AKAP6: variants seen among roughly 807,000 people sequenced by gnomAD.
AKAP6 encodes the protein A-kinase anchoring protein 6, also known as A-kinase anchor protein 6.
AKAP6 carries 58 observed loss-of-function variants against 188.5 expected under a neutral mutation model. That is an observed-to-expected ratio of 0.31 (90% confidence interval 0.25 to 0.38). The LOEUF (loss-of-function observed/expected upper bound fraction) is 0.38, where lower values mean the gene tolerates loss of function less well. AKAP6 is among the 10% of genes least tolerant of loss of function. The pLI, the probability that AKAP6 is intolerant of heterozygous loss-of-function variation, is 1.00. For missense variants in AKAP6, 2,710 were observed against 2,740.0 expected, an observed-to-expected ratio of 0.99 and a Z score of 0.24; for synonymous variants, 989 against 998.6, an observed-to-expected ratio of 0.99 and a Z score of 0.18.
At chr14:32,788,834 G>A (rs779050677) in intron 12 of AKAP6, among the ~76,000 whole-genome samples, 1 of 152,142 alleles carries the variant, frequency 6.6e-6, no homozygotes, top group Admixed American at 6.5e-5. Flanking sequence ...ATATCCCTAG[G>A]AAGGGTGCTG....
intron 2 of AKAP6, among the ~76,000 whole-genome samples, chr14:32,470,287 C>A (rs1815154809): frequency 6.6e-6 from 1 of 152,158 alleles, no homozygotes; most frequent in African/African-American, 2.4e-5. Context: ...GATTCAGATG[C>A]ACATTAAGAT....
intron 1 of AKAP6, among the ~76,000 whole-genome samples, chr14:32,412,706 A>T (rs1272707911): frequency 6.6e-6 from 1 of 152,224 alleles, no homozygotes; most frequent in Non-Finnish European, 1.5e-5. Flanking sequence ...AGCTTCTAAT[A>T]GTTACACTCT....
At chr14:32,553,438 C>T (rs1049653000) in intron 4 of AKAP6, among the ~76,000 whole-genome samples, 1 of 152,108 alleles carries the variant, frequency 6.6e-6, no homozygotes, top group African/African-American at 2.4e-5. Context: ...TCCCGAAGTG[C>T]TGTGATTACA....
At chr14:32,746,337 T>G (rs2139885876) in intron 11 of AKAP6, among the ~76,000 whole-genome samples, 1 of 152,246 alleles carries the variant, frequency 6.6e-6, no homozygotes, top group South Asian at 2.1e-4. Context: ...AGTACCTGGG[T>G]ATTACTGCTG....
At chr14:32,785,924 G>T (rs1449660609) in intron 12 of AKAP6, among the ~76,000 whole-genome samples, 2 of 152,110 alleles carry the variant, frequency 1.3e-5, no homozygotes, top group Non-Finnish European at 2.9e-5. Flanking sequence ...GAAGACACAA[G>T]TATCATTCTC....
chr14:32,530,011 A>G (rs1594714087), intron 2 of AKAP6, among the ~76,000 whole-genome samples: 1 of 117,916 alleles, frequency 8.5e-6, no homozygotes, highest in African/African-American at 3.4e-5. Flanking sequence ...TTGCTTTAAG[A>G]CAGTTTTTTT....
rs567056467 is a variant in AKAP6 at position 32,530,219 on chromosome 14, G to T, written c.325-5335G>T. ...TTTTTAAAAATTTTTATAGTGATGG[G>T]GTCTCCTGTGTTGCCCAGGCTGGTC... is the stretch of plus-strand genomic sequence containing the variant. On this transcript the variant is annotated intron_variant, in intron 2 of 13. Coordinates refer to ENST00000280979, the MANE Select transcript of AKAP6 (RefSeq NM_004274.5). Among the ~76,000 whole-genome samples the T allele has an allele frequency of 2.6e-5, 4 of 151,882 alleles. 1 individual carries two copies. The Middle Eastern group carries it at 0.014, about 520-fold the overall frequency.
chr14:32,834,599 G>T lies in AKAP6; in HGVS notation c.*4794G>T. On this transcript the variant is annotated 3_prime_UTR_variant, in exon 14 of 14. Coordinates refer to ENST00000280979, the MANE Select transcript of AKAP6 (RefSeq NM_004274.5). Reference sequence around the variant, plus strand: ...TGTGCTTTTACTCTATTTTTCTTTGGGCTTTTATAACATCGACAGTTCTGA... The same window carrying T: ...TGTGCTTTTACTCTATTTTTCTTTGTGCTTTTATAACATCGACAGTTCTGA... 2 of 131,648 alleles carry T rather than the reference G, an allele frequency of 1.5e-5. No homozygotes were observed. The highest frequency in any genetic ancestry group is 2.3e-4 in the East Asian group (1 of 4,324). The allele number at this position is 131,648 out of a possible 1,614,324, so 8.2% of individuals were successfully genotyped here.
At chr14:32,764,876 C>T (rs111923928) in intron 11 of AKAP6, among the ~76,000 whole-genome samples, 1,676 of 151,500 alleles carry the variant, frequency 0.011, 35 homozygotes, top group African/African-American at 0.038. Flanking sequence ...TAAAATAGTG[C>T]TCCAGCAATT....
intron 1 of AKAP6, among the ~76,000 whole-genome samples, chr14:32,329,922 A>ATC (rs1886478739): frequency 6.6e-6 from 1 of 152,092 alleles, no homozygotes; most frequent in Non-Finnish European, 1.5e-5. Context: ...GTGAAAGGGG[A>ATC]TCTCTTGCAT....
intron 1 of AKAP6, among the ~76,000 whole-genome samples, chr14:32,353,955 AAAAGGATACAAAC>A (rs1190149346): frequency 5.9e-5 from 9 of 152,202 alleles, no homozygotes; most frequent in African/African-American, 2.2e-4. Context: ...ACCGAAATAA[AAAAGGATACAAAC>A]AAATGGAAGA....
At chr14:32,439,966 C>T (rs540042997) in intron 2 of AKAP6, among the ~76,000 whole-genome samples, 12 of 152,012 alleles carry the variant, frequency 7.9e-5, no homozygotes, top group African/African-American at 2.2e-4. Context: ...TCATTTTTGC[C>T]CTTTAGATCA....
intron 1 of AKAP6, among the ~76,000 whole-genome samples, chr14:32,339,042 A>T (rs1448275346): frequency 6.6e-6 from 1 of 152,152 alleles, no homozygotes; most frequent in Non-Finnish European, 1.5e-5. Flanking sequence ...CTCTGCTTAA[A>T]TTTTGTTCAT....
At chr14:32,455,143 A>G (rs543286999) in intron 2 of AKAP6, among the ~76,000 whole-genome samples, 3 of 150,774 alleles carry the variant, frequency 2.0e-5, no homozygotes, top group Non-Finnish European at 4.4e-5. Context: ...TTTTGTTTCA[A>G]TTAAAAAACA....
chr14:32,403,271 C>T (rs1022242169), intron 1 of AKAP6: 3 of 152,110 alleles, frequency 2.0e-5, no homozygotes, highest in East Asian at 3.9e-4. Context: ...TATTCATTTT[C>T]TTTTCTTCTT....
chr14:32,798,629 C>T (rs2033846487), intron 12 of AKAP6, among the ~76,000 whole-genome samples: 1 of 152,064 alleles, frequency 6.6e-6, no homozygotes, highest in Non-Finnish European at 1.5e-5. Context: ...GAACAGAAAA[C>T]CACATACCAC....
intron 4 of AKAP6, among the ~76,000 whole-genome samples, chr14:32,555,760 A>G (rs759622310): frequency 6.6e-6 from 1 of 152,166 alleles, no homozygotes; most frequent in Non-Finnish European, 1.5e-5. Flanking sequence ...ATGTTGTAGC[A>G]TGTGACAGGA....
chr14:32,476,264 TATA>T (rs1879061122), intron 2 of AKAP6, among the ~76,000 whole-genome samples: 1 of 152,226 alleles, frequency 6.6e-6, no homozygotes, highest in Non-Finnish European at 1.5e-5. Context: ...TTAAAGTTTT[TATA>T]ATGATTAGTT....
intron 9 of AKAP6, among the ~76,000 whole-genome samples, chr14:32,723,016 T>A (rs1594882540): frequency 6.6e-6 from 1 of 152,118 alleles, no homozygotes; most frequent in Non-Finnish European, 1.5e-5. Flanking sequence ...CAGTGCAGTG[T>A]TTTTTCCTGC....
Sources: gnomAD v4.1 joint callset for allele counts (sites outside exome capture counted in the v4.1 genomes callset) on GRCh38, gnomAD v4.1.1 for gene constraint, MANE v1.5 for transcripts, NCBI Gene and HGNC (gene_info 2026-07-23, HGNC 2026-07-21) for gene names.